Variants in USH2A observed in about 807,000 individuals in gnomAD.
USH2A encodes the protein usherin, also known as Usher syndrome 2A (autosomal recessive, mild).
Under a neutral mutation model 538.9 loss-of-function variants are expected in USH2A, and 443 were observed. The ratio of observed to expected loss-of-function variants is 0.82; its 90% CI spans 0.76 to 0.89. The LOEUF is 0.89. USH2A is among the 40% of genes least tolerant of loss of function. The pLI is 0.00. For missense variants in USH2A, 6,633 were observed against 6,324.8 expected (o/e 1.05, Z -1.65); for synonymous variants, 2,413 against 2,273.5 (o/e 1.06, Z -1.75).
At chr1:216,208,288 A>T (rs1298900188) in intron 15 of USH2A, among the ~76,000 whole-genome samples, 2 of 152,192 alleles carry the variant, frequency 1.3e-5, no homozygotes, top group African/African-American at 2.4e-5. Context: ...AACAAGATGC[A>T]CAATCCCCCA....
At chr1:216,085,304 T>G (rs944523320) in intron 24 of USH2A, among the ~76,000 whole-genome samples, 7 of 152,140 alleles carry the variant, frequency 4.6e-5, no homozygotes, top group Non-Finnish European at 7.4e-5. Context: ...AAATCAATAA[T>G]TTGGCTTCAT....
intron 32 of USH2A, among the ~76,000 whole-genome samples, chr1:216,038,625 C>A (rs978366188): frequency 6.6e-6 from 1 of 151,992 alleles, no homozygotes. Context: ...AGGGTGCTGA[C>A]AATGTTCTGT....
rs199746475 is a variant in USH2A at position 216,340,025 on chromosome 1, C to CA, written c.785-12372dup. 2.6e-3 allele frequency among the ~76,000 whole-genome samples: 391 copies of CA among 151,414 alleles called. 1 individual carries two copies. The highest frequency in any genetic ancestry group is 3.6e-3 in the African/African-American group (149 of 41,336). ...GGAGAGAGAGACACGAAAAACCCTTCAAAAAATCAATGAATCCAGGAGCTG... is the reference window on the plus strand; with the variant it reads ...GGAGAGAGAGACACGAAAAACCCTTCAAAAAAATCAATGAATCCAGGAGCTG... On this transcript the variant is annotated intron_variant, in intron 4 of 71. Transcript: ENST00000307340.
intron 3 of USH2A, among the ~76,000 whole-genome samples, chr1:216,397,759 T>C (rs967067758): frequency 1.3e-5 from 2 of 152,232 alleles, no homozygotes; most frequent in African/African-American, 4.8e-5. Flanking sequence ...TCCCTGGTTT[T>C]GAAGCTTTGG....
At chr1:216,228,637 T>C (rs2035612578) in intron 14 of USH2A, among the ~76,000 whole-genome samples, 1 of 152,182 alleles carries the variant, frequency 6.6e-6, no homozygotes, top group South Asian at 2.1e-4. Flanking sequence ...ACTGCAATTG[T>C]GAGGTCTCCC....
chr1:215,814,380 C>A (rs1343289479), intron 48 of USH2A, among the ~76,000 whole-genome samples: 2 of 139,630 alleles, frequency 1.4e-5, no homozygotes, highest in African/African-American at 6.4e-5. Context: ...ATGCCTTAAA[C>A]AAAGTCTTAT....
chr1:215,845,831 G>A lies in USH2A; in HGVS notation c.9048C>T (p.Cys3016=), dbSNP rs1057519208. ...INSAGLHATT[C]DGEPQGMLPP... is the part of the protein sequence containing the mutation. ...TTTAGAATCTGGACTCACCCCCATC[G>A]CAAGTGGTTGCATGAAGTCCTGCAC... The change falls in exon 45 of 72, where the codon TGC becomes TGT. Residue 3016 remains cysteine, a synonymous_variant. Transcript: ENST00000307340. 2.6e-5 allele frequency: 42 copies of A among 1,613,366 alleles called. No individual in the cohort carries two copies. The highest frequency in any genetic ancestry group is 5.5e-5 in the South Asian group (5 of 91,070).
At chr1:216,345,417 C>A (rs2038155905) in intron 4 of USH2A, among the ~76,000 whole-genome samples, 1 of 152,100 alleles carries the variant, frequency 6.6e-6, no homozygotes, top group African/African-American at 2.4e-5. Flanking sequence ...GCCCCCAGGG[C>A]TATGATGCGT....
intron 71 of USH2A, 71 bp from the exon 72 acceptor site, chr1:215,625,941 T>TATCA (rs1483510736): frequency 1.4e-6 from 2 of 1,444,624 alleles, no homozygotes; most frequent in Non-Finnish European, 1.9e-6. Context: ...TTTATAGTTA[T>TATCA]ATCAATTAAG....
intron 40 of USH2A, among the ~76,000 whole-genome samples, chr1:215,891,947 C>T (rs1052230485): frequency 6.6e-6 from 1 of 152,168 alleles, no homozygotes; most frequent in African/African-American, 2.4e-5. Context: ...ACTCATATTT[C>T]AAACCATTTC....
chr1:216,292,819 A>C (rs978517533), intron 9 of USH2A, among the ~76,000 whole-genome samples: 1 of 152,194 alleles, frequency 6.6e-6, no homozygotes. Flanking sequence ...GTAAAACTTC[A>C]ACATGTTAAC....
chr1:216,166,556 T>A (rs1260123419), intron 21 of USH2A, among the ~76,000 whole-genome samples: 1 of 152,092 alleles, frequency 6.6e-6, no homozygotes, highest in Non-Finnish European at 1.5e-5. Context: ...AGGTCTGGAC[T>A]AGGCAGTAGC....
At chr1:216,176,646 A>C (rs1360536388) in intron 20 of USH2A, among the ~76,000 whole-genome samples, 2 of 152,110 alleles carry the variant, frequency 1.3e-5, no homozygotes, top group African/African-American at 4.8e-5. Flanking sequence ...GATGGCATGC[A>C]TCCATCATTA....
chr1:216,113,781 T>C (rs1169411565), intron 21 of USH2A, among the ~76,000 whole-genome samples: 1 of 151,940 alleles, frequency 6.6e-6, no homozygotes, highest in Non-Finnish European at 1.5e-5. Context: ...AATAATGGCG[T>C]CTTCCTTTGC....
chr1:215,694,381 G>A (rs1353294398), intron 61 of USH2A, among the ~76,000 whole-genome samples: 3 of 152,260 alleles, frequency 2.0e-5, no homozygotes, highest in East Asian at 1.9e-4. Flanking sequence ...AGACCATCCC[G>A]GCTAACACTG....
At chr1:215,980,683 T>C (rs1243955249) in intron 35 of USH2A, among the ~76,000 whole-genome samples, 1 of 152,138 alleles carries the variant, frequency 6.6e-6, no homozygotes, top group Non-Finnish European at 1.5e-5. Flanking sequence ...TTTCTCATGG[T>C]TTTCTAACTT....
chr1:215,640,874 T>C, intron 67 of USH2A, 140 bp from the exon 68 acceptor site: 2 of 936,628 alleles, frequency 2.1e-6, no homozygotes, highest in Non-Finnish European at 3.2e-6. Context: ...AAAACCAACA[T>C]TGCTAGAATC....
intron 21 of USH2A, among the ~76,000 whole-genome samples, chr1:216,129,918 A>G (rs191026840): frequency 6.6e-6 from 1 of 152,234 alleles, no homozygotes; most frequent in Non-Finnish European, 1.5e-5. Flanking sequence ...TTTACAGCCA[A>G]TGCAGTTTTG....
chr1:216,166,647 T>G (rs2034174800), intron 21 of USH2A, among the ~76,000 whole-genome samples: 2 of 151,842 alleles, frequency 1.3e-5, no homozygotes, highest in African/African-American at 2.4e-5. Context: ...TGGGAGGAAA[T>G]GAGTGAATAG....
Sources: allele counts gnomAD v4.1 joint callset (sites outside exome capture counted in the v4.1 genomes callset), GRCh38; gene constraint gnomAD v4.1.1; transcripts MANE v1.5; gene names NCBI Gene and HGNC (gene_info 2026-07-23, HGNC 2026-07-21).